The following CDKL5 variants were observed in gnomAD, a reference collection of about 807,000 sequenced individuals.
The protein encoded by CDKL5 is cyclin dependent kinase like 5.
In CDKL5, 8 loss-of-function variants were observed where a neutral mutation model predicts 61.7. The observed-to-expected ratio is 0.13, with a 90% CI of 0.08 to 0.23. CDKL5 has a LOEUF of 0.23. Ranked by LOEUF, CDKL5 falls within the 10% of genes least tolerant of loss-of-function variation. The pLI is 1.00. For synonymous variants in CDKL5, 275 were observed against 272.3 expected (o/e 1.01, Z -0.10); for missense variants, 440 against 734.5 (o/e 0.60, Z 4.63).
At chrX:18,478,441 C>T (rs1182018493) in intron 1 of CDKL5, among the ~76,000 whole-genome samples, 1 of 107,729 alleles carries the variant, frequency 9.3e-6, no homozygotes, top group Non-Finnish European at 1.9e-5. Context: ...CAGGCATGCA[C>T]CACCACACCT....
chrX:18,638,101 C>T lies in CDKL5; in HGVS notation c.*9344C>T, dbSNP rs771070166. ...CAGAAAGATGGGGTTCTGTGAGCAT[C>T]CATTCCAAGGGTCACTTTAGGGGTG... On this transcript the variant is annotated 3_prime_UTR_variant, in exon 18 of 18. Transcript: ENST00000623535. 9.0e-6 allele frequency: 1 copy of T among 110,591 alleles called. No homozygotes were observed. The highest frequency in any genetic ancestry group is 9.6e-5 in the Admixed American group (1 of 10,440). 9.1% of individuals were successfully genotyped at this position (110,591 alleles called of 1,213,427 possible).
downstream of CDKL5, chrX:18,642,058 G>A (rs281865360): frequency 4.1e-6 from 5 of 1,209,755 alleles, no homozygotes; most frequent in Middle Eastern, 2.3e-4. Context: ...CAATGCGGAC[G>A]TGCCAGCCCA....
intron 17 of CDKL5, 89 bp from the exon 18 acceptor site, chrX:18,628,282 C>A: frequency 1.0e-6 from 1 of 966,632 alleles, no homozygotes; most frequent in Non-Finnish European, 1.5e-6. Context: ...TGGCCACACC[C>A]AGTCACCTCA....
intron 9 of CDKL5, among the ~76,000 whole-genome samples, chrX:18,594,638 C>A (rs1315560016): frequency 8.9e-6 from 1 of 111,906 alleles, no homozygotes; most frequent in Non-Finnish European, 1.9e-5. Flanking sequence ...CTTATCATAT[C>A]CTTTCTGCTA....
chrX:18,432,007 C>T (rs189824400), intron 1 of CDKL5, among the ~76,000 whole-genome samples: 1 of 109,947 alleles, frequency 9.1e-6, no homozygotes, highest in African/African-American at 3.3e-5. Context: ...CTCCCAGGCT[C>T]GAGCGATCCT....
At chrX:18,491,420 G>C (rs768683271) in intron 1 of CDKL5, among the ~76,000 whole-genome samples, 35 of 111,731 alleles carry the variant, frequency 3.1e-4, no homozygotes, top group Admixed American at 3.0e-3. Flanking sequence ...GTTTGGCTTG[G>C]TGAAAGAAAC....
At chrX:18,582,175 A>G (rs1353366003) in intron 7 of CDKL5, among the ~76,000 whole-genome samples, 1 of 111,639 alleles carries the variant, frequency 9.0e-6, no homozygotes, top group Non-Finnish European at 1.9e-5. Context: ...TTTAATCAGA[A>G]CTAATTCAAA....
rs1319064571 is a variant in CDKL5, at chrX:18,608,808, C to T, written c.1945-3C>T. 4 of 1,189,428 alleles carry T rather than the reference C, an allele frequency of 3.4e-6. No homozygotes were observed. The highest frequency in any genetic ancestry group is 4.6e-6 in the Non-Finnish European group (4 of 875,773). On this transcript the variant is annotated splice_region_variant and splice_polypyrimidine_tract_variant and intron_variant, in intron 12 of 17. Transcript: ENST00000623535. ...TATAAATCCTTTTAAATTTTACTTC[C>T]AGCCTGGAGAACAGCTCCCTCCAGA...
chrX:18,516,550 T>A (rs1007542080), intron 3 of CDKL5, among the ~76,000 whole-genome samples: 1 of 110,276 alleles, frequency 9.1e-6, no homozygotes, highest in Non-Finnish European at 1.9e-5. Flanking sequence ...ATGCTGCTGT[T>A]GTCTTTTTTT....
rs1446439952 is a variant in CDKL5, at chrX:18,637,512, A to G, written c.*8755A>G. ...AAAAGGCAGAGGTTGCAGTGAGCCA[A>G]GATCGCACCACTGCACTCCCACCTG... On this transcript the variant is annotated 3_prime_UTR_variant, in exon 18 of 18. Transcript: ENST00000623535. 9.0e-6 allele frequency: 1 copy of G among 111,082 alleles called. No homozygotes were observed. Among genetic ancestry groups the G allele is most frequent in the Non-Finnish European group, 1.9e-5 (1 of 53,065 alleles). The allele number at this position is 111,082 out of a possible 1,213,427, so 9.2% of individuals were successfully genotyped here.
intron 3 of CDKL5, among the ~76,000 whole-genome samples, chrX:18,514,175 G>C (rs1401634062): frequency 9.0e-6 from 1 of 111,300 alleles, no homozygotes; most frequent in African/African-American, 3.3e-5. Context: ...CATAGAATAT[G>C]ATGTTGGGCT....
At chrX:18,495,111 G>C (rs376123127) in intron 1 of CDKL5, among the ~76,000 whole-genome samples, 3 of 112,436 alleles carry the variant, frequency 2.7e-5, no homozygotes, top group African/African-American at 9.7e-5. Flanking sequence ...TATTATAACA[G>C]AAGTTTAGTC....
At chrX:18,566,389 A>C (rs984396322) in intron 4 of CDKL5, among the ~76,000 whole-genome samples, 2 of 112,707 alleles carry the variant, frequency 1.8e-5, no homozygotes, top group African/African-American at 6.4e-5. Context: ...TGCTGAGCTC[A>C]AAGTGATCCG....
chrX:18,542,890 A>G (rs946711915), intron 3 of CDKL5, among the ~76,000 whole-genome samples: 27 of 110,754 alleles, frequency 2.4e-4, no homozygotes, highest in African/African-American at 8.6e-4. Flanking sequence ...ATTTGGCCCC[A>G]CCAACACCTC....
At chrX:18,506,233 C>A (rs1366396948) in intron 1 of CDKL5, among the ~76,000 whole-genome samples, 2 of 111,568 alleles carry the variant, frequency 1.8e-5, no homozygotes, top group Non-Finnish European at 1.9e-5. Context: ...GGTCCTTCTC[C>A]TGCCCCACCC....
intron 5 of CDKL5, among the ~76,000 whole-genome samples, chrX:18,578,269 AAAC>A (rs748464729): frequency 1.6e-4 from 18 of 112,583 alleles, no homozygotes; most frequent in Admixed American, 9.4e-4. Context: ...GTTTTCTTAT[AAAC>A]AACAACTCTT....
chrX:18,608,025 G>A (rs1926420442), intron 12 of CDKL5, among the ~76,000 whole-genome samples: 2 of 111,953 alleles, frequency 1.8e-5, no homozygotes, highest in Admixed American at 9.5e-5. Context: ...ATACGATGCA[G>A]CGAACTCCTT....
chrX:18,487,687 G>A (rs1244709850), intron 1 of CDKL5, among the ~76,000 whole-genome samples: 1 of 112,731 alleles, frequency 8.9e-6, no homozygotes, highest in Non-Finnish European at 1.9e-5. Flanking sequence ...AGGCTGAGGC[G>A]GGAGGATCAC....
rs923134290 is a variant in CDKL5 at position 18,484,549 on chromosome X, C to G, written c.-162-22386C>G. Among the ~76,000 whole-genome samples the G allele has an allele frequency of 3.6e-5, 4 of 110,308 alleles. No individual in the cohort carries two copies. The Admixed American group carries it at 3.9e-4, about 11-fold the overall frequency. On this transcript the variant is annotated intron_variant, in intron 1 of 17. Transcript: ENST00000623535. ...GCCAGGCTGGTCTCGAATTCCTGACCTCAAGTGATCCACCTATCTTGGTCT... is the reference window on the plus strand; with the variant it reads ...GCCAGGCTGGTCTCGAATTCCTGACGTCAAGTGATCCACCTATCTTGGTCT...
Sources: gnomAD v4.1 joint callset for allele counts (sites outside exome capture counted in the v4.1 genomes callset) on GRCh38, gnomAD v4.1.1 for gene constraint, MANE v1.5 for transcripts, NCBI Gene and HGNC (gene_info 2026-07-23, HGNC 2026-07-21) for gene names.